OSBPL9: variants seen among roughly 807,000 people sequenced by gnomAD.
The protein encoded by OSBPL9 is oxysterol binding protein like 9.
In OSBPL9, 40 loss-of-function variants were observed where a neutral mutation model predicts 106.6. That is an observed-to-expected ratio of 0.38 (90% confidence interval 0.29 to 0.49). The LOEUF (loss-of-function observed/expected upper bound fraction) is 0.49. OSBPL9 is among the 20% of genes least tolerant of loss of function. The pLI, the probability that OSBPL9 is intolerant of heterozygous loss-of-function variation, is 0.97. For synonymous variants in OSBPL9, 269 were observed against 295.4 expected, an observed-to-expected ratio of 0.91 and a Z score of 0.92; for missense variants, 609 against 887.2, an observed-to-expected ratio of 0.69 and a Z score of 3.98.
At chr1:51,761,580 TATC>T (rs745644268) in intron 10 of OSBPL9, among the ~76,000 whole-genome samples, 8 of 152,184 alleles carry the variant, frequency 5.3e-5, no homozygotes, top group Non-Finnish European at 1.0e-4. Flanking sequence ...AGAAACACAT[TATC>T]ATCAGAAGCA....
upstream of OSBPL9, among the ~76,000 whole-genome samples, chr1:51,575,397 G>A (rs1016883353): frequency 6.7e-6 from 1 of 149,916 alleles, no homozygotes; most frequent in African/African-American, 2.5e-5. Flanking sequence ...TTTTAGTAGA[G>A]ATGCGGTTTC....
intron 1 of OSBPL9, among the ~76,000 whole-genome samples, chr1:51,628,676 CT>C (rs1355763427): frequency 6.7e-6 from 1 of 148,196 alleles, no homozygotes; most frequent in Non-Finnish European, 1.5e-5. Context: ...ATTTATCTTT[CT>C]TTTTTTCTTT....
chr1:51,620,996 A>G (rs1455923417), intron 1 of OSBPL9, among the ~76,000 whole-genome samples: 1 of 152,168 alleles, frequency 6.6e-6, no homozygotes, highest in Non-Finnish European at 1.5e-5. Flanking sequence ...CCAGAATGTT[A>G]GGATTACAGG....
intron 15 of OSBPL9, 90 bp from the exon 16 acceptor site, chr1:51,781,074 C>G: frequency 7.8e-7 from 1 of 1,275,124 alleles, no homozygotes; most frequent in South Asian, 1.4e-5. Context: ...TCCTCTCAGC[C>G]TGACTTAGGT....
chr1:51,696,806 T>A (rs1380906056), intron 3 of OSBPL9, among the ~76,000 whole-genome samples: 1 of 152,224 alleles, frequency 6.6e-6, no homozygotes, highest in African/African-American at 2.4e-5. Flanking sequence ...CTGTCCCGTT[T>A]TTTTTTATTT....
At chr1:51,590,192 T>G (rs189993292) in intron 1 of OSBPL9, among the ~76,000 whole-genome samples, 1 of 152,104 alleles carries the variant, frequency 6.6e-6, no homozygotes, top group East Asian at 1.9e-4. Context: ...TTCAAAAAAG[T>G]CATTCTGAAA....
chr1:51,530,431 A>G, the OSBPL9 span, among the ~76,000 whole-genome samples: 1 of 152,020 alleles, frequency 6.6e-6, no homozygotes, highest in African/African-American at 2.4e-5. Context: ...ACTAGAATAT[A>G]TAAAGAACCC....
Position 51,629,469 on chromosome 1 carries a change from T to C in OSBPL9, c.111+12248T>C, listed in dbSNP as rs534767674. Among the ~76,000 whole-genome samples, 8 of 152,274 alleles carry C rather than the reference T, an allele frequency of 5.3e-5. No individual in the cohort carries two copies. The South Asian group carries it at 1.7e-3, about 32-fold the overall frequency. On this transcript the variant is annotated intron_variant, in intron 1 of 23. Coordinates refer to ENST00000428468, the MANE Select transcript of OSBPL9 (RefSeq NM_024586.6). The stretch of plus-strand genomic sequence containing the variant: ...TTAGGTGATTTTATCATTGTGTGGA[T>C]GTCATAAAGTGGGCTTACACAAACT...
Position 51,784,557 on chromosome 1 carries a change from A to C in OSBPL9, c.1804A>C (p.Lys602Gln), listed in dbSNP as rs998092549. ...FHTKPFYGGKKHRITAEIFSP... is the reference protein window; with the variant it reads ...FHTKPFYGGKQHRITAEIFSP... ...CACTAAACCCTTCTATGGGGGCAAG[A>C]AGCACAGAATTACTGCCGAGATTTT... Residue 602 changes from lysine (K) to glutamine (Q), a missense_variant, in exon 20 of 24, where the codon AAG (lysine) becomes CAG (glutamine). Lys to Gln is a moderately conservative substitution (Grantham distance 53). This residue lies in a region of OSBPL9 where 132 missense variants were observed against 158.1 expected (regional missense o/e 0.83). Coordinates refer to ENST00000428468, the MANE Select transcript of OSBPL9 (RefSeq NM_024586.6). 8 of 1,614,150 alleles carry C rather than the reference A, an allele frequency of 5.0e-6. No individual in the cohort carries two copies. Among genetic ancestry groups the C allele is most frequent in the Non-Finnish European group, 5.1e-6 (6 of 1,179,980 alleles).
At chr1:51,519,424 G>C in the OSBPL9 span, 5 of 167,370 alleles carry the variant, frequency 3.0e-5, no homozygotes, top group Middle Eastern at 2.5e-3. Flanking sequence ...GCCGGAGCCG[G>C]CCGCGGCGCC....
Position 51,629,122 on chromosome 1 carries a change from A to G in OSBPL9, c.111+11901A>G, listed in dbSNP as rs555549803. On this transcript the variant is annotated intron_variant, in intron 1 of 23. Coordinates refer to ENST00000428468, the MANE Select transcript of OSBPL9 (RefSeq NM_024586.6). Reference sequence around the variant, plus strand: ...TTACTTCTTATACAGGTTTTCATTCATATGTCACTGCTCAGAGAAGCCTTT... The same window carrying G: ...TTACTTCTTATACAGGTTTTCATTCGTATGTCACTGCTCAGAGAAGCCTTT... 4.2e-4 allele frequency among the ~76,000 whole-genome samples: 64 copies of G among 152,266 alleles called. 1 individual carries two copies. The highest frequency in any genetic ancestry group is 1.5e-3 in the African/African-American group (61 of 41,548).
rs1384018678 is a variant in OSBPL9 at position 51,750,211 on chromosome 1, T to C, written c.543+16T>C. The C allele has an allele frequency of 1.3e-6, 2 of 1,591,638 alleles. No individual in the cohort carries two copies. The highest frequency in any genetic ancestry group is 4.5e-5 in the East Asian group (2 of 44,038). ...GATTGCCAAAGTAAGTAAATTTTAC[T>C]TTCAATTACCTTTGTGTATGGAGTT... On this transcript the variant is annotated intron_variant, in intron 8 of 23. Coordinates refer to ENST00000428468, the MANE Select transcript of OSBPL9 (RefSeq NM_024586.6).
At chr1:51,724,054 C>A (rs1251234872) in intron 4 of OSBPL9, among the ~76,000 whole-genome samples, 3 of 152,164 alleles carry the variant, frequency 2.0e-5, no homozygotes, top group Non-Finnish European at 4.4e-5. Flanking sequence ...TCAAGCGATT[C>A]TTGTGCCTTG....
At chr1:51,717,275 C>T (rs1227658739) in intron 4 of OSBPL9, among the ~76,000 whole-genome samples, 3 of 152,114 alleles carry the variant, frequency 2.0e-5, no homozygotes, top group Non-Finnish European at 2.9e-5. Flanking sequence ...CCATGTTTTC[C>T]TTTTTCATTG....
chr1:51,590,343 G>A (rs867851402), intron 1 of OSBPL9, among the ~76,000 whole-genome samples: 13 of 151,732 alleles, frequency 8.6e-5, no homozygotes, highest in African/African-American at 2.7e-4. Flanking sequence ...TCACGTGGCC[G>A]GGCGCGGTGG....
At position 51,788,153 on chromosome 1, in the gene OSBPL9, GATACACACACACACACACATATAT is replaced by G. The variant is rs759479764; in HGVS notation, c.*376_*399del. On this transcript the variant is annotated 3_prime_UTR_variant, in exon 24 of 24. Transcript: ENST00000428468. ...TGTTTCTTAGTTCATATAATCTCGG[GATACACACACACACACACATATAT>G]ATACACACACATACGTATACACACA... 1.7e-5 allele frequency: 4 copies of G among 241,206 alleles called. No individual in the cohort carries two copies. Among genetic ancestry groups the G allele is most frequent in the East Asian group, 1.0e-4 (1 of 9,732 alleles). The allele number at this position is 241,206 out of a possible 1,614,324, so 14.9% of individuals were successfully genotyped here.
chr1:51,527,984 G>T, the OSBPL9 span, among the ~76,000 whole-genome samples: 4 of 151,708 alleles, frequency 2.6e-5, no homozygotes, highest in Non-Finnish European at 2.9e-5. Flanking sequence ...ATTAGCCAGG[G>T]GCTGTGGCAC....
intron 1 of OSBPL9, among the ~76,000 whole-genome samples, chr1:51,593,790 A>G (rs1645287603): frequency 6.6e-6 from 1 of 152,034 alleles, no homozygotes; most frequent in African/African-American, 2.4e-5. Flanking sequence ...TGAGTCTCAG[A>G]AATGGGAAAA....
chr1:51,617,996 TTGTGTGTGTGTGTG>T lies in OSBPL9; in HGVS notation c.111+790_111+803del, dbSNP rs58221259. On this transcript the variant is annotated intron_variant, in intron 1 of 23. Transcript: ENST00000428468. ...ATGAATTGCTGTGAATCTTACGTGG[TTGTGTGTGTGTGTG>T]TGTGTGTGTGTGTGGTTTTTTTTTT... is the stretch of plus-strand genomic sequence containing the variant. Among the ~76,000 whole-genome samples, 737 of 145,766 alleles carry T rather than the reference TTGTGTGTGTGTGTG, an allele frequency of 5.1e-3. 5 individuals carry two copies. The highest frequency in any genetic ancestry group is 8.6e-3 in the Non-Finnish European group (570 of 66,364).
Sources: gnomAD v4.1 joint callset for allele counts (sites outside exome capture counted in the v4.1 genomes callset) on GRCh38, gnomAD v4.1.1 for gene constraint, gnomAD v4.1.1 regional missense constraint, MANE v1.5 for transcripts, NCBI Gene and HGNC (gene_info 2026-07-23, HGNC 2026-07-21) for gene names.